TRNT1: variants seen among roughly 807,000 people sequenced by gnomAD.
TRNT1 encodes the protein CCA tRNA nucleotidyltransferase 1, mitochondrial.
Under a neutral mutation model 45.6 loss-of-function variants are expected in TRNT1, and 44 were observed. That is an observed-to-expected ratio of 0.97 (90% CI 0.76 to 1.24). The LOEUF (loss-of-function observed/expected upper bound fraction) is 1.24. Among genes scored for constraint, TRNT1 ranks in the 50% most tolerant of loss-of-function variants. The probability of loss-of-function intolerance (pLI) is 0.00; values close to 1 mark genes in which losing one functional copy is unlikely to be tolerated. For synonymous variants in TRNT1, 201 were observed against 171.4 expected (o/e 1.17, Z -1.35); for missense variants, 633 against 504.4 (o/e 1.25, Z -2.44).
chr3:3,142,494 C>A (rs1231565978), intron 4 of TRNT1, among the ~76,000 whole-genome samples: 1 of 152,186 alleles, frequency 6.6e-6, no homozygotes, highest in Non-Finnish European at 1.5e-5. Context: ...TTATTCCCTG[C>A]AACTCAACCA....
intron 6 of TRNT1, 80 bp from the exon 7 acceptor site, chr3:3,147,370 T>G: frequency 1.3e-6 from 2 of 1,519,130 alleles, no homozygotes; most frequent in Non-Finnish European, 1.8e-6. Context: ...TTCTGGATAC[T>G]AAAATGGTGG....
Position 3,148,303 on chromosome 3 carries a change from A to C in TRNT1, c.*149A>C. 1.3e-6 allele frequency: 1 copy of C among 780,248 alleles called. No homozygotes were observed. The highest frequency in any genetic ancestry group is 2.0e-6 in the Non-Finnish European group (1 of 502,138). 48.3% of individuals were successfully genotyped at this position (780,248 alleles called of 1,614,324 possible). A position where few individuals can be genotyped will look rare whatever the true frequency, so the allele number is the denominator to read the frequency against. On this transcript the variant is annotated 3_prime_UTR_variant, in exon 8 of 8. Transcript: ENST00000251607. The stretch of plus-strand genomic sequence containing the variant: ...AAGGGTCTTATTTTGTGAATTATAT[A>C]TTTCAAGAACTAAACAGAGATCCAC...
Position 3,144,692 on chromosome 3 carries a change from G to C in TRNT1, c.590G>C (p.Arg197Thr). ...AKQRIQEDYL[R>T]ILRYFRFYGR... ...CAGAGAATACAAGAGGATTATCTTA[G>C]AATTTTAAGATACTTCAGGTAAGAA... Residue 197 changes from arginine to threonine, a missense_variant, in exon 5 of 8, where the codon AGA (arginine) becomes ACA (threonine). Physicochemically the swap from Arg to Thr is moderately conservative, Grantham distance 71 (BLOSUM62 -1). Transcript: ENST00000251607. 1 of 1,539,092 alleles carries C rather than the reference G, an allele frequency of 6.5e-7. No individual in the cohort carries two copies. Among genetic ancestry groups the C allele is most frequent in the Middle Eastern group, 1.8e-4 (1 of 5,698 alleles).
chr3:3,148,756 C>G lies in TRNT1; in HGVS notation c.*602C>G, dbSNP rs1466595496. On this transcript the variant is annotated 3_prime_UTR_variant, in exon 8 of 8. Transcript: ENST00000251607. ...TGTCACAATGATTTCTTTATGCATG[C>G]AGAGCCTGGGGAAGTCATGGGATTA... The G allele has an allele frequency of 2.0e-5, 3 of 152,128 alleles. No individual in the cohort carries two copies. Among genetic ancestry groups the G allele is most frequent in the African/African-American group, 7.2e-5 (3 of 41,420 alleles). The allele number at this position is 152,128 out of a possible 1,614,324, so 9.4% of individuals were successfully genotyped here. A position where few individuals can be genotyped will look rare whatever the true frequency, so the allele number is the denominator to read the frequency against.
In TRNT1 at chr3:3,128,776, A is replaced by AGTT. The variant is rs3884411; in HGVS notation, c.-27-237_-27-235dup. Among the ~76,000 whole-genome samples the AGTT allele has an allele frequency of 0.91, 138,987 of 151,906 alleles. 64,832 individuals are homozygous for AGTT. Among genetic ancestry groups the AGTT allele is most frequent in the East Asian group, 1 (5,153 of 5,154 alleles). On this transcript the variant is annotated intron_variant, in intron 1 of 7. Coordinates refer to ENST00000251607, the MANE Select transcript of TRNT1 (RefSeq NM_182916.3). ...TCAACCAGTCAGTCAGTACTGAAAC[A>AGTT]GTTATGGAGGCCTGCGCTAGTGAGA...
At chr3:3,143,346 T>TA (rs1184242823) in intron 4 of TRNT1, among the ~76,000 whole-genome samples, 1 of 152,178 alleles carries the variant, frequency 6.6e-6, no homozygotes, top group African/African-American at 2.4e-5. Flanking sequence ...TTTATGTACA[T>TA]ATATATAAAA....
chr3:3,134,549 C>T (rs943125368), intron 2 of TRNT1, among the ~76,000 whole-genome samples: 1 of 152,140 alleles, frequency 6.6e-6, no homozygotes, highest in African/African-American at 2.4e-5. Context: ...AATCTTAAAA[C>T]AGTAGTTATC....
downstream of TRNT1, chr3:3,152,879 A>G (rs7625161): frequency 3.8e-3 from 1,633 of 430,766 alleles, 21 homozygotes; most frequent in African/African-American, 0.029. Flanking sequence ...TAAAACTCAA[A>G]TGCTTCTAAA....
chr3:3,129,126 C>A lies in TRNT1; in HGVS notation c.86C>A (p.Thr29Lys). Residue 29 changes from threonine (T) to lysine (K), a missense_variant, in exon 2 of 8, where the codon ACA becomes AAA. Coordinates refer to ENST00000251607, the MANE Select transcript of TRNT1 (RefSeq NM_182916.3). ...RLCLPKQYLF[T>K]MKLQSPEFQS... ...TGCCTTCCGAAGCAGTATCTATTCA[C>A]AATGAAGTTGCAGTCTCCCGAATTC... 1 of 1,613,992 alleles carries A rather than the reference C, an allele frequency of 6.2e-7. No homozygotes were observed. The highest frequency in any genetic ancestry group is 8.5e-7 in the Non-Finnish European group (1 of 1,179,882).
downstream of TRNT1, chr3:3,149,188 C>T (rs3210736): frequency 3.3e-5 from 5 of 152,082 alleles, no homozygotes; most frequent in South Asian, 1.0e-3. Context: ...GAGGAAATGT[C>T]ACAGGGGCTA....
chr3:3,152,159 T>TTTC (rs78418016), downstream of TRNT1, among the ~76,000 whole-genome samples: 6,003 of 150,810 alleles, frequency 0.04, 248 homozygotes, highest in African/African-American at 0.11. Context: ...AATTTTTTTT[T>TTTC]TTTTTTAAAT....
downstream of TRNT1, chr3:3,150,777 C>CTT (rs1205718659): frequency 5.6e-6 from 7 of 1,259,536 alleles, no homozygotes; most frequent in Non-Finnish European, 7.9e-6. Flanking sequence ...GTTATGTTTA[C>CTT]TTAGGTATGT....
At chr3:3,143,179 T>C (rs550557862) in intron 4 of TRNT1, among the ~76,000 whole-genome samples, 1 of 152,250 alleles carries the variant, frequency 6.6e-6, no homozygotes, top group East Asian at 1.9e-4. Flanking sequence ...GGCTCTAAAT[T>C]CCTTTTTCTA....
In TRNT1 at chr3:3,147,501, T is replaced by G; in HGVS notation, c.854T>G (p.Val285Gly). The stretch of plus-strand genomic sequence containing the variant: ...GAATTTGACAAAGTCAGTAAAAATG[T>G]TGATGGTTTTTCACCAAAGCCAGTG... ...LEEFDKVSKNVDGFSPKPVTL... is the reference protein window; with the variant it reads ...LEEFDKVSKNGDGFSPKPVTL... Residue 285 changes from valine (V) to glycine (G), a missense_variant, in exon 7 of 8, where the codon GTT becomes GGT. Physicochemically the swap from Val to Gly is moderately radical, Grantham distance 109. Transcript: ENST00000251607. 1.2e-6 allele frequency: 2 copies of G among 1,613,852 alleles called. No homozygotes were observed. Among genetic ancestry groups the G allele is most frequent in the Admixed American group, 1.7e-5 (1 of 60,014 alleles).
chr3:3,148,074 C>CAA lies in TRNT1; in HGVS notation c.1226_1227dup (p.Gln410AsnfsTer20). 1 of 1,613,872 alleles carries CAA rather than the reference C, an allele frequency of 6.2e-7. No homozygotes were observed. Among genetic ancestry groups the CAA allele is most frequent in the Non-Finnish European group, 8.5e-7 (1 of 1,179,836 alleles). On this transcript the variant is annotated frameshift_variant, in exon 8 of 8. Coordinates refer to ENST00000251607, the MANE Select transcript of TRNT1 (RefSeq NM_182916.3). LOFTEE classifies it high-confidence loss of function. ...AGGAAAAGAAATTGGGGCTCTATTA[C>CAA]AACAGTTGCGAGAACAGTGGAAAAA...
Position 3,144,637 on chromosome 3 carries a change from A to G in TRNT1, c.535A>G (p.Lys179Glu). Reference sequence around the variant, plus strand: ...TAATGGTTATGAAGATTTAAAAAATAAGAAAGTTAGATTTGTTGGACATGC... The same window carrying G: ...TAATGGTTATGAAGATTTAAAAAATGAGAAAGTTAGATTTGTTGGACATGC... The part of the protein sequence containing the change: ...YFNGYEDLKN[K>E]KVRFVGHAKQ... The change falls in exon 5 of 8, where the codon AAG (lysine) becomes GAG (glutamate). Residue 179 changes from lysine to glutamate, a missense_variant. Lys to Glu is a moderately conservative substitution (Grantham distance 56). Transcript: ENST00000251607. 2 of 1,586,764 alleles carry G rather than the reference A, an allele frequency of 1.3e-6. No individual in the cohort carries two copies. The highest frequency in any genetic ancestry group is 1.7e-6 in the Non-Finnish European group (2 of 1,159,826).
intron 3 of TRNT1, 51 bp from the exon 4 acceptor site, chr3:3,140,459 T>G (rs766013635): frequency 1.3e-6 from 2 of 1,586,222 alleles, no homozygotes; most frequent in African/African-American, 2.7e-5. Flanking sequence ...AATTCAGTAG[T>G]ATGAAAACCT....
chr3:3,144,800 A>G, intron 5 of TRNT1, 90 bp downstream of exon 5: 1 of 1,292,768 alleles, frequency 7.7e-7, no homozygotes, highest in South Asian at 1.6e-5. Flanking sequence ...AGGTCAGTGT[A>G]CAAAATGGTG....
intron 2 of TRNT1, among the ~76,000 whole-genome samples, chr3:3,133,555 C>CA (rs565087780): frequency 0.034 from 4,737 of 138,988 alleles, 145 homozygotes; most frequent in African/African-American, 0.09. Context: ...GACCCTCTCT[C>CA]AAAAAAAAAA....
Sources: gnomAD v4.1 joint callset for allele counts (sites outside exome capture counted in the v4.1 genomes callset) on GRCh38, gnomAD v4.1.1 for gene constraint, MANE v1.5 for transcripts, NCBI Gene and HGNC (gene_info 2026-07-23, HGNC 2026-07-21) for gene names.